The following LIMCH1 variants were observed in gnomAD, a reference collection of about 807,000 sequenced individuals.
The protein encoded by LIMCH1 is LIM and calponin homology domains-containing protein 1.
In LIMCH1, 113 loss-of-function variants were observed where a neutral mutation model predicts 176.5. The ratio of observed to expected loss-of-function variants is 0.64; its 90% CI spans 0.55 to 0.75. LIMCH1 has a LOEUF of 0.75. Ranked by LOEUF, LIMCH1 falls within the 30% of genes least tolerant of loss-of-function variation. The probability of loss-of-function intolerance (pLI) is 0.00; values close to 1 mark genes in which losing one functional copy is unlikely to be tolerated. For missense variants in LIMCH1, 1,674 were observed against 1,814.9 expected (o/e 0.92, Z 1.41); for synonymous variants, 619 against 645.9 (o/e 0.96, Z 0.63).
At chr4:41,478,481 G>A (rs2068077216) in intron 1 of LIMCH1, among the ~76,000 whole-genome samples, 2 of 152,132 alleles carry the variant, frequency 1.3e-5, no homozygotes. Context: ...AACTTGTTTG[G>A]GTGAATTCTA....
chr4:41,518,860 T>C (rs780378851), intron 2 of LIMCH1, among the ~76,000 whole-genome samples: 4 of 152,174 alleles, frequency 2.6e-5, no homozygotes, highest in Non-Finnish European at 5.9e-5. Flanking sequence ...TAGGTTAGTT[T>C]GGTGAGGATG....
At position 41,659,287 on chromosome 4, in the gene LIMCH1, T is replaced by TA. The variant is rs1298471757; in HGVS notation, c.3037-2129dup. 1.7e-4 allele frequency among the ~76,000 whole-genome samples: 26 copies of TA among 152,192 alleles called. 1 individual carries two copies. Among genetic ancestry groups the TA allele is most frequent in the African/African-American group, 6.3e-4 (26 of 41,456 alleles). ...GATGCATATTTCCTGCCTAGGGTTT[T>TA]AAAAGTGTGTTTTAACTTAATATTA... On this transcript the variant is annotated intron_variant, in intron 18 of 31. Transcript: ENST00000503057.
At chr4:41,546,182 A>G (rs538823763) in intron 1 of LIMCH1, among the ~76,000 whole-genome samples, 2 of 152,268 alleles carry the variant, frequency 1.3e-5, no homozygotes, top group Non-Finnish European at 1.5e-5. Flanking sequence ...TCTGTCACCC[A>G]GGCTGGAGTG....
At chr4:41,500,395 A>G (rs2073052796) in intron 2 of LIMCH1, among the ~76,000 whole-genome samples, 1 of 152,134 alleles carries the variant, frequency 6.6e-6, no homozygotes, top group Non-Finnish European at 1.5e-5. Context: ...TTTGAGTATC[A>G]CCAATCCATT....
At chr4:41,481,596 C>CGTG (rs2068637511) in intron 1 of LIMCH1, among the ~76,000 whole-genome samples, 1 of 152,118 alleles carries the variant, frequency 6.6e-6, no homozygotes, top group South Asian at 2.1e-4. Context: ...CAGGTGGCAA[C>CGTG]TGCAGTTGTC....
chr4:41,455,796 T>C (rs2064520887), intron 1 of LIMCH1, among the ~76,000 whole-genome samples: 1 of 152,236 alleles, frequency 6.6e-6, no homozygotes. Context: ...GTCTGTAATG[T>C]CAAGAGTCTT....
rs141758410 is a variant in LIMCH1 at position 41,546,831 on chromosome 4, A to G, written c.-241+8481A>G. On this transcript the variant is annotated intron_variant, in intron 1 of 31. Coordinates refer to ENST00000503057, the MANE Select transcript of LIMCH1 (RefSeq NM_001330672.2). ...AATGCCAAGGATTCCACATACCTAC[A>G]TATATATATGGAGAGAGAGAGAGAC... is the stretch of plus-strand genomic sequence containing the variant. Among the ~76,000 whole-genome samples the G allele has an allele frequency of 3.1e-3, 469 of 152,050 alleles. 4 individuals carry two copies. Among genetic ancestry groups the G allele is most frequent in the African/African-American group, 0.011 (436 of 41,508 alleles).
chr4:41,462,048 A>G lies in LIMCH1; in HGVS notation c.97-32488A>G, dbSNP rs922380597. On this transcript the variant is annotated intron_variant, in intron 1 of 26. Transcript: ENST00000313860. ...AAGGGGCTGCTGCTTGAAGTCTGCA[A>G]AGTTCTCTTTGTATGATAAATAATT... 2.6e-5 allele frequency among the ~76,000 whole-genome samples: 4 copies of G among 152,160 alleles called. No individual in the cohort carries two copies. In the South Asian group the frequency reaches 8.3e-4, roughly 32 times the overall value.
chr4:41,584,815 G>A (rs2086158295), intron 1 of LIMCH1, among the ~76,000 whole-genome samples: 1 of 152,098 alleles, frequency 6.6e-6, no homozygotes, highest in African/African-American at 2.4e-5. Context: ...GTTTGTTCAG[G>A]CTGCTATAAG....
chr4:41,555,534 G>C (rs1045349681), intron 1 of LIMCH1, among the ~76,000 whole-genome samples: 1 of 152,120 alleles, frequency 6.6e-6, no homozygotes, highest in South Asian at 2.1e-4. Flanking sequence ...ACAAATCTAA[G>C]TGAAGTTCTT....
chr4:41,387,383 C>T (rs1282735677), intron 1 of LIMCH1, among the ~76,000 whole-genome samples: 1 of 152,188 alleles, frequency 6.6e-6, no homozygotes, highest in Non-Finnish European at 1.5e-5. Context: ...ATTTATTTTA[C>T]AATGAATATA....
chr4:41,498,615 T>C (rs1210314006), intron 2 of LIMCH1, among the ~76,000 whole-genome samples: 2 of 152,196 alleles, frequency 1.3e-5, no homozygotes, highest in African/African-American at 4.8e-5. Context: ...GTTATGCTGT[T>C]AGAAATATCA....
intron 3 of LIMCH1, among the ~76,000 whole-genome samples, chr4:41,530,823 T>TAAAA (rs2077203718): frequency 5.8e-5 from 5 of 86,556 alleles, no homozygotes; most frequent in African/African-American, 3.7e-4. Flanking sequence ...AAAAAAATTT[T>TAAAA]TTTTTTTTTT....
intron 2 of LIMCH1, among the ~76,000 whole-genome samples, chr4:41,495,169 C>T (rs1008642964): frequency 9.2e-5 from 14 of 152,124 alleles, no homozygotes; most frequent in Non-Finnish European, 2.1e-4. Context: ...GCTCTAGCTA[C>T]AAAATAAGCA....
upstream of LIMCH1, chr4:41,360,764 C>A: frequency 8.9e-7 from 1 of 1,121,512 alleles, no homozygotes; most frequent in South Asian, 1.6e-5. This position sits in a 1 kb window ranked among gnomAD's most constrained non-coding sequence, Gnocchi z 4.5. Flanking sequence ...CGGGAAGGGG[C>A]GGGGAGCGCG....
chr4:41,362,106 G>A (rs1377414353), intron 1 of LIMCH1, among the ~76,000 whole-genome samples: 2 of 152,216 alleles, frequency 1.3e-5, no homozygotes, highest in Admixed American at 1.3e-4. Context: ...AACCTGCTGA[G>A]CTTCCTGCAG....
intron 1 of LIMCH1, among the ~76,000 whole-genome samples, chr4:41,386,882 G>A (rs1439636020): frequency 2.0e-5 from 3 of 152,202 alleles, no homozygotes; most frequent in African/African-American, 7.2e-5. Context: ...GGTAGGAAAA[G>A]GAATTGTATG....
Position 41,694,163 on chromosome 4 carries a change from T to G in LIMCH1, c.4378+1779T>G, listed in dbSNP as rs1338195098. On this transcript the variant is annotated intron_variant, in intron 31 of 31. Transcript: ENST00000503057. ...AAAATGATTTTTTCTTTATTTTATA[T>G]GTGAAATGCAGTGTTTTACCAGGAT... is the stretch of plus-strand genomic sequence containing the variant. Among the ~76,000 whole-genome samples, 6 of 152,304 alleles carry G rather than the reference T, an allele frequency of 3.9e-5. No individual in the cohort carries two copies. In the East Asian group the frequency reaches 9.6e-4, roughly 24 times the overall value.
chr4:41,590,420 C>T (rs1274392590), intron 1 of LIMCH1, among the ~76,000 whole-genome samples: 3 of 152,060 alleles, frequency 2.0e-5, no homozygotes, highest in Admixed American at 6.5e-5. Flanking sequence ...TGGACCCTCT[C>T]CTCCACCCAT....
Sources: allele counts gnomAD v4.1 joint callset (sites outside exome capture counted in the v4.1 genomes callset), GRCh38; gene constraint gnomAD v4.1.1; non-coding constraint Gnocchi (gnomAD v3.1); transcripts MANE v1.5; gene names NCBI Gene and HGNC (gene_info 2026-07-23, HGNC 2026-07-21).